ZEB2: variants seen among roughly 807,000 people sequenced by gnomAD.
ZEB2 encodes the protein zinc finger E-box-binding homeobox 2.
A neutral mutation model predicts 99.9 loss-of-function variants in ZEB2; 6 were observed. The observed-to-expected ratio is 0.06, with a 90% CI of 0.03 to 0.12. ZEB2 has a LOEUF of 0.12. Ranked by LOEUF, ZEB2 falls within the 10% of genes least tolerant of loss-of-function variation. The probability of loss-of-function intolerance (pLI) is 1.00; values close to 1 mark genes in which losing one functional copy is unlikely to be tolerated. For synonymous variants in ZEB2, 517 were observed against 542.5 expected (o/e 0.95, Z 0.65); for missense variants, 969 against 1,502.8 (o/e 0.64, Z 5.87).
At chr2:144,393,693 A>G (rs77295771) in intron 9 of ZEB2, among the ~76,000 whole-genome samples, 18 of 152,302 alleles carry the variant, frequency 1.2e-4, no homozygotes, top group African/African-American at 4.3e-4. Context: ...AACCTAATAC[A>G]CTGACAGTAG....
In ZEB2 at chr2:144,385,422, G is replaced by GT. The variant is rs869045035; in HGVS notation, c.*4028dup. ...TTTTTCCCCATGTGAATTCTTTGGT[G>GT]TTTTTTCCCCCTCTTTTTTTAGTGC... On this transcript the variant is annotated 3_prime_UTR_variant, in exon 10 of 10. Transcript: ENST00000627532. 1 of 152,102 alleles carries GT rather than the reference G, an allele frequency of 6.6e-6. No individual in the cohort carries two copies. Among genetic ancestry groups the GT allele is most frequent in the East Asian group, 1.9e-4 (1 of 5,190 alleles). The allele number at this position is 152,102 out of a possible 1,614,324, so 9.4% of individuals were successfully genotyped here.
At chr2:144,463,824 C>A (rs1180432157) in intron 2 of ZEB2, 1 of 149,694 alleles carries the variant, frequency 6.7e-6, no homozygotes, top group Non-Finnish European at 1.5e-5. Context: ...CAGAGTGAGA[C>A]CCTGTCTCAA....
chr2:144,392,724 C>T (rs1703168819), intron 9 of ZEB2, among the ~76,000 whole-genome samples: 1 of 152,094 alleles, frequency 6.6e-6, no homozygotes, highest in South Asian at 2.1e-4. Flanking sequence ...ACTTGTTTTG[C>T]TGGTTTACCT....
intron 2 of ZEB2, chr2:144,512,708 G>C: frequency 7.8e-7 from 1 of 1,287,172 alleles, no homozygotes; most frequent in Non-Finnish European, 1.0e-6. Flanking sequence ...TGCTACGAAG[G>C]AAAGCATGTT....
chr2:144,498,816 A>G (rs1704827609), intron 2 of ZEB2, among the ~76,000 whole-genome samples: 1 of 152,180 alleles, frequency 6.6e-6, no homozygotes, highest in Non-Finnish European at 1.5e-5. Context: ...ATACTCCCAG[A>G]GATCCCTTGA....
intron 6 of ZEB2, among the ~76,000 whole-genome samples, chr2:144,403,279 G>T (rs1703337185): frequency 6.6e-6 from 1 of 152,138 alleles, no homozygotes; most frequent in Admixed American, 6.5e-5. Flanking sequence ...AGCAAAAAGA[G>T]GGGGAGTAAT....
In ZEB2 at chr2:144,385,617, G is replaced by A. The variant is rs1305348328; in HGVS notation, c.*3834C>T. 1 of 152,270 alleles carries A rather than the reference G, an allele frequency of 6.6e-6. No individual in the cohort carries two copies. Among genetic ancestry groups the A allele is most frequent in the East Asian group, 1.9e-4 (1 of 5,178 alleles). The allele number at this position is 152,270 out of a possible 1,614,324, so 9.4% of individuals were successfully genotyped here. A position where few individuals can be genotyped will look rare whatever the true frequency, so the allele number is the denominator to read the frequency against. Reference sequence around the variant, plus strand: ...TAAATGCAGCTGTGTTTATTACAATGTGTGGGGCTCCAGATATACACACAC... The same window carrying A: ...TAAATGCAGCTGTGTTTATTACAATATGTGGGGCTCCAGATATACACACAC... On this transcript the variant is annotated 3_prime_UTR_variant, in exon 10 of 10. Transcript: ENST00000627532.
intron 2 of ZEB2, chr2:144,516,493 C>T (rs971653570): frequency 6.6e-6 from 1 of 151,942 alleles, no homozygotes; most frequent in Non-Finnish European, 1.5e-5. Context: ...CCCCCATCTC[C>T]TTTCTCCTTC....
At chr2:144,429,607 T>G (rs1703740001) in intron 3 of ZEB2, 162 bp downstream of exon 3, 1 of 1,112,530 alleles carries the variant, frequency 9.0e-7, no homozygotes, top group South Asian at 1.4e-5. Flanking sequence ...AACATTACTA[T>G]CACTTCATAA....
At chr2:144,410,249 T>C (rs900916590) in intron 4 of ZEB2, among the ~76,000 whole-genome samples, 2 of 152,168 alleles carry the variant, frequency 1.3e-5, no homozygotes, top group Non-Finnish European at 2.9e-5. Flanking sequence ...CTCATGACCA[T>C]GTGTATTTTA....
chr2:144,511,536 G>A lies in ZEB2; in HGVS notation c.73+5742C>T, dbSNP rs146247907. On this transcript the variant is annotated intron_variant, in intron 2 of 9. Coordinates refer to ENST00000627532, the MANE Select transcript of ZEB2 (RefSeq NM_014795.4). ...TCCATGGAGCCTACTGATTATTATC[G>A]TTTTCCTTTTAAAAACTGCTTGATG... The A allele has an allele frequency of 1.8e-3, 2,283 of 1,280,668 alleles. 10 individuals carry two copies. Among genetic ancestry groups the A allele is most frequent in the Middle Eastern group, 0.011 (32 of 3,022 alleles). 79.3% of individuals were successfully genotyped at this position (1,280,668 alleles called of 1,614,324 possible).
chr2:144,488,638 T>C (rs1003215109), intron 2 of ZEB2, among the ~76,000 whole-genome samples: 2 of 150,496 alleles, frequency 1.3e-5, no homozygotes, highest in Non-Finnish European at 3.0e-5. Flanking sequence ...GCTATAAATA[T>C]TATTTTTCTT....
chr2:144,418,002 T>C (rs1703563270), intron 4 of ZEB2, among the ~76,000 whole-genome samples: 1 of 152,230 alleles, frequency 6.6e-6, no homozygotes, highest in South Asian at 2.1e-4. Context: ...ATACGATTCC[T>C]GATGTGAGTC....
chr2:144,497,044 T>C (rs149206124), intron 2 of ZEB2, among the ~76,000 whole-genome samples: 19 of 152,346 alleles, frequency 1.2e-4, no homozygotes, highest in Admixed American at 6.5e-4. Flanking sequence ...GACATCTCAG[T>C]TGGCTGACAA....
Position 144,412,234 on chromosome 2 carries a change from A to T in ZEB2, c.404-7210T>A, listed in dbSNP as rs371778565. Among the ~76,000 whole-genome samples the T allele has an allele frequency of 7.9e-5, 12 of 152,358 alleles. No individual in the cohort carries two copies. The East Asian group carries it at 2.1e-3, about 27-fold the overall frequency. ...CGGTGAGCCGAGATCGTGCCACTGC[A>T]CTCCAGCCTGGGCAACAAGAGTGAA... On this transcript the variant is annotated intron_variant, in intron 4 of 9. Coordinates refer to ENST00000627532, the MANE Select transcript of ZEB2 (RefSeq NM_014795.4).
chr2:144,433,818 T>C (rs1209904136), intron 2 of ZEB2, among the ~76,000 whole-genome samples: 1 of 152,220 alleles, frequency 6.6e-6, no homozygotes, highest in East Asian at 1.9e-4. Flanking sequence ...ATATAACTTT[T>C]ATTTTCAGAT....
At position 144,399,312 on chromosome 2, in the gene ZEB2, G is replaced by T. The variant is rs752759296; in HGVS notation, c.1875C>A (p.Ala625=). The T allele has an allele frequency of 3.1e-6, 5 of 1,613,980 alleles. No individual in the cohort carries two copies. The East Asian group carries it at 8.9e-5, about 29-fold the overall frequency. ...GGGCTTTATTATCAACAAAAACTCCGGCTTTGTTGGGGACTATGTTTTCAT... is the reference window on the plus strand; with the variant it reads ...GGGCTTTATTATCAACAAAAACTCCTGCTTTGTTGGGGACTATGTTTTCAT... The part of the protein sequence containing the change: ...QPHENIVPNK[A]GVFVDNKALL... The change falls in exon 8 of 10, where the codon GCC becomes GCA. Residue 625 remains alanine (A), a synonymous_variant. Coordinates refer to ENST00000627532, the MANE Select transcript of ZEB2 (RefSeq NM_014795.4). The surrounding 1 kb of genome is among the most constrained non-coding windows in gnomAD (Gnocchi z 5.6).
At chr2:144,483,887 C>T (rs1384758620) in intron 2 of ZEB2, among the ~76,000 whole-genome samples, 1 of 152,124 alleles carries the variant, frequency 6.6e-6, no homozygotes, top group Non-Finnish European at 1.5e-5. Flanking sequence ...TTACCTGATG[C>T]TGATTGTATA....
intron 2 of ZEB2, among the ~76,000 whole-genome samples, chr2:144,452,723 C>A (rs1180588614): frequency 2.0e-5 from 3 of 152,110 alleles, no homozygotes; most frequent in Non-Finnish European, 4.4e-5. Flanking sequence ...TTCCTTCCAG[C>A]CTTTTTCCTG....
Sources: gnomAD v4.1 joint callset for allele counts (sites outside exome capture counted in the v4.1 genomes callset) on GRCh38, gnomAD v4.1.1 for gene constraint, Gnocchi (gnomAD v3.1) non-coding constraint, MANE v1.5 for transcripts, NCBI Gene and HGNC (gene_info 2026-07-23, HGNC 2026-07-21) for gene names.